EVI5: variants seen among roughly 807,000 people sequenced by gnomAD.
EVI5 encodes ecotropic viral integration site 5, also known as ecotropic viral integration site 5 protein homolog.
In EVI5, 73 loss-of-function variants were observed where a neutral mutation model predicts 112.0. The observed-to-expected ratio is 0.65, with a 90% CI of 0.54 to 0.79. The LOEUF (loss-of-function observed/expected upper bound fraction) is 0.79, where lower values mean the gene tolerates loss of function less well. Among genes scored for constraint, EVI5 ranks in the 30% least tolerant of loss-of-function variants. The pLI is 0.00. For missense variants in EVI5, 900 were observed against 968.8 expected (o/e 0.93, Z 0.94); for synonymous variants, 305 against 319.9 (o/e 0.95, Z 0.50).
At chr1:92,772,470 C>T (rs1570898682) in intron 1 of EVI5, among the ~76,000 whole-genome samples, 1 of 151,828 alleles carries the variant, frequency 6.6e-6, no homozygotes, top group South Asian at 2.1e-4. Context: ...GTGGCGGGTG[C>T]CTGTAATTTC....
rs1002677799 is a variant in EVI5, at chr1:92,679,546, T to A, written c.1098-2328A>T. Reference sequence around the variant, plus strand: ...TCAATAAACTTAATTTAAAAAAAAATATTTGGTTTACAAAAAGATTGTGAA... The same window carrying A: ...TCAATAAACTTAATTTAAAAAAAAAAATTTGGTTTACAAAAAGATTGTGAA... On this transcript the variant is annotated intron_variant, in intron 9 of 19. Transcript: ENST00000684568. 3.8e-4 allele frequency among the ~76,000 whole-genome samples: 58 copies of A among 152,112 alleles called. 1 individual carries two copies. The highest frequency in any genetic ancestry group is 3.3e-3 in the Admixed American group (50 of 15,272).
At chr1:92,593,463 A>G (rs1019581406) in intron 18 of EVI5, among the ~76,000 whole-genome samples, 5 of 152,300 alleles carry the variant, frequency 3.3e-5, no homozygotes, top group African/African-American at 1.2e-4. Flanking sequence ...AGCCAATATC[A>G]TATTGAATGG....
In EVI5 at chr1:92,551,916, A is replaced by G. The variant is rs138797578; in HGVS notation, c.2166+11726T>C. Among the ~76,000 whole-genome samples, 787 of 152,270 alleles carry G rather than the reference A, an allele frequency of 5.2e-3. 5 individuals carry two copies. Among genetic ancestry groups the G allele is most frequent in the African/African-American group, 0.018 (758 of 41,558 alleles). ...GTTTCCCTTGAAGTGGTTTCTCATG[A>G]TTTATATTTCCATTCTAATTGTCAA... is the stretch of plus-strand genomic sequence containing the variant. On this transcript the variant is annotated intron_variant, in intron 19 of 19. Transcript: ENST00000684568.
chr1:92,694,338 C>T lies in EVI5; in HGVS notation c.960G>A (p.Gln320=), dbSNP rs1262437710. 2 of 1,606,862 alleles carry T rather than the reference C, an allele frequency of 1.2e-6. No homozygotes were observed. Among genetic ancestry groups the T allele is most frequent in the East Asian group, 4.5e-5 (2 of 44,828 alleles). ...RVGLALLQMN[Q]AELMQLDMEG... ...CCATGTCAAGTTGCATCAGTTCTGC[C>T]TGATTCATCTGAAGAAGTGCTAATC... The change falls in exon 8 of 20, where the codon CAG becomes CAA. Residue 320 remains glutamine, a synonymous_variant. Coordinates refer to ENST00000684568, the MANE Select transcript of EVI5 (RefSeq NM_001350197.2).
chr1:92,698,113 G>C (rs991218918), intron 5 of EVI5, 128 bp from the exon 6 acceptor site: 1 of 768,870 alleles, frequency 1.3e-6, no homozygotes, highest in African/African-American at 1.7e-5. Context: ...GCAATGTTAA[G>C]AGCAATGAGG....
intron 1 of EVI5, among the ~76,000 whole-genome samples, chr1:92,737,303 T>C (rs1256952533): frequency 6.6e-6 from 1 of 152,154 alleles, no homozygotes; most frequent in Non-Finnish European, 1.5e-5. Flanking sequence ...AGAAATAGAA[T>C]GGGATGCCTA....
chr1:92,610,052 A>AT (rs1202906712), intron 16 of EVI5, among the ~76,000 whole-genome samples: 12 of 151,756 alleles, frequency 7.9e-5, no homozygotes, highest in African/African-American at 2.9e-4. Flanking sequence ...CGCCCAGATA[A>AT]TTTTTTTTAT....
intron 5 of EVI5, among the ~76,000 whole-genome samples, chr1:92,698,237 A>C (rs919068850): frequency 2.6e-5 from 4 of 152,202 alleles, no homozygotes; most frequent in African/African-American, 9.7e-5. Flanking sequence ...AATTCAACCC[A>C]AAATACTGAT....
Position 92,736,633 on chromosome 1 carries a change from G to T in EVI5, c.-81-6C>A. 1 of 1,601,632 alleles carries T rather than the reference G, an allele frequency of 6.2e-7. No individual in the cohort carries two copies. Among genetic ancestry groups the T allele is most frequent in the Non-Finnish European group, 8.6e-7 (1 of 1,169,082 alleles). Reference sequence around the variant, plus strand: ...GCAACTTTGTCTGTCGCCACCTAAGGACAAAAATAAAAGTTGCATATACTT... The same window carrying T: ...GCAACTTTGTCTGTCGCCACCTAAGTACAAAAATAAAAGTTGCATATACTT... On this transcript the variant is annotated splice_polypyrimidine_tract_variant and splice_region_variant and intron_variant, in intron 1 of 19. Coordinates refer to ENST00000684568, the MANE Select transcript of EVI5 (RefSeq NM_001350197.2).
intron 19 of EVI5, among the ~76,000 whole-genome samples, chr1:92,520,114 T>C (rs1448993083): frequency 3.3e-5 from 5 of 152,108 alleles, no homozygotes; most frequent in Middle Eastern, 3.2e-3. Context: ...GTGCATATAG[T>C]TGCAAAACTA....
At chr1:92,552,056 A>G (rs1253447913) in intron 19 of EVI5, among the ~76,000 whole-genome samples, 2 of 151,690 alleles carry the variant, frequency 1.3e-5, no homozygotes, top group Non-Finnish European at 2.9e-5. Flanking sequence ...GTAAAGTACT[A>G]TTAAAAATAC....
intron 1 of EVI5, among the ~76,000 whole-genome samples, chr1:92,770,885 G>C (rs972153502): frequency 6.6e-6 from 1 of 151,502 alleles, no homozygotes; most frequent in Non-Finnish European, 1.5e-5. Context: ...GCCCGATCCC[G>C]GTTCACTGCA....
intron 19 of EVI5, among the ~76,000 whole-genome samples, chr1:92,550,776 AAAAAAATATAT>A (rs1666705313): frequency 1.5e-5 from 1 of 65,880 alleles, no homozygotes; most frequent in African/African-American, 7.0e-5. Flanking sequence ...AAAAAAAAAA[AAAAAAATATAT>A]ATATATATAT....
intron 19 of EVI5, among the ~76,000 whole-genome samples, chr1:92,521,112 C>A (rs1660857847): frequency 6.6e-6 from 1 of 151,718 alleles, no homozygotes; most frequent in Non-Finnish European, 1.5e-5. Flanking sequence ...CAGGCGTGGG[C>A]CACCACACCT....
At position 92,684,374 on chromosome 1, in the gene EVI5, G is replaced by A. The variant is rs2102384483; in HGVS notation, c.1098-7156C>T. 3.3e-5 allele frequency among the ~76,000 whole-genome samples: 5 copies of A among 152,246 alleles called. 1 individual carries two copies. Among genetic ancestry groups the A allele is most frequent in the Admixed American group, 3.3e-4 (5 of 15,286 alleles). The stretch of plus-strand genomic sequence containing the variant: ...TGCTGAGAGATTTTGTCACCACCAG[G>A]CCTGCCTTACAAGAGCTCCTGAAGG... On this transcript the variant is annotated intron_variant, in intron 9 of 19. Coordinates refer to ENST00000684568, the MANE Select transcript of EVI5 (RefSeq NM_001350197.2).
At chr1:92,687,218 G>C (rs1294562006) in intron 9 of EVI5, among the ~76,000 whole-genome samples, 3 of 151,910 alleles carry the variant, frequency 2.0e-5, no homozygotes, top group Non-Finnish European at 4.4e-5. Flanking sequence ...CAGAACAGAG[G>C]CCTCAGAAAT....
In EVI5 at chr1:92,791,642, A is replaced by G. The variant is rs144949596; in HGVS notation, c.51+702T>C. ...CAAGCAAATAAAAATAAGAGTCCCA[A>G]TCATAGATGCGACGTGAGATGTGTT... On this transcript the variant is annotated intron_variant, in intron 1 of 17. Transcript: ENST00000370331. Among the ~76,000 whole-genome samples, 67 of 152,248 alleles carry G rather than the reference A, an allele frequency of 4.4e-4. No individual in the cohort carries two copies. In the East Asian group the frequency reaches 6.9e-3, roughly 16 times the overall value.
intron 19 of EVI5, among the ~76,000 whole-genome samples, chr1:92,535,648 TAACAGAAA>T (rs752985974): frequency 1.8e-4 from 28 of 152,010 alleles, no homozygotes; most frequent in Middle Eastern, 6.8e-3. Context: ...ATCAGCAAAC[TAACAGAAA>T]AACAGAAAAA....
chr1:92,515,808 A>C (rs1659767311), intron 19 of EVI5, among the ~76,000 whole-genome samples: 1 of 152,198 alleles, frequency 6.6e-6, no homozygotes, highest in Non-Finnish European at 1.5e-5. Flanking sequence ...TCCAGGAAGA[A>C]GTGAAGAAAC....
Sources: gnomAD v4.1 joint callset for allele counts (sites outside exome capture counted in the v4.1 genomes callset) on GRCh38, gnomAD v4.1.1 for gene constraint, MANE v1.5 for transcripts, NCBI Gene and HGNC (gene_info 2026-07-23, HGNC 2026-07-21) for gene names.